P2RY1: variants seen among roughly 807,000 people sequenced by gnomAD.
P2RY1 encodes P2Y purinoceptor 1.
In P2RY1, 14 loss-of-function variants were observed where a neutral mutation model predicts 22.8. The observed-to-expected ratio is 0.61, with a 90% CI of 0.41 to 0.96. The LOEUF is 0.96. Ranked by LOEUF, P2RY1 falls within the 40% of genes least tolerant of loss-of-function variation. P2RY1 has a pLI of 0.00. For synonymous variants in P2RY1, 200 were observed against 195.1 expected (o/e 1.03, Z -0.21); for missense variants, 395 against 470.3 (o/e 0.84, Z 1.48).
Position 152,836,285 on chromosome 3 carries a change from CG to C in P2RY1, c.504del (p.Ile169SerfsTer64). ...CTGGGCCGGCTCAAAAAGAAGAATG[CG>C]ATCTGTATCAGCGTGCTGGTGTGGC... ...KSLGRLKKKN[A>X]ICISVLVWLI... On this transcript the variant is annotated frameshift_variant, in exon 1 of 1. Coordinates refer to ENST00000305097, the MANE Select transcript of P2RY1 (RefSeq NM_002563.5). LOFTEE classifies it high-confidence loss of function. The surrounding 1 kb of genome is among the most constrained non-coding windows in gnomAD (Gnocchi z 5.6). 6.2e-7 allele frequency: 1 copy of C among 1,614,098 alleles called. No individual in the cohort carries two copies.
chr3:152,837,273 G>A lies in P2RY1; in HGVS notation c.*369G>A, dbSNP rs979392282. 1.0e-5 allele frequency: 2 copies of A among 192,088 alleles called. No homozygotes were observed. The highest frequency in any genetic ancestry group is 5.8e-5 in the Admixed American group (1 of 17,260). The allele number at this position is 192,088 out of a possible 1,614,324, so 11.9% of individuals were successfully genotyped here. A position where few individuals can be genotyped will look rare whatever the true frequency, so the allele number is the denominator to read the frequency against. On this transcript the variant is annotated 3_prime_UTR_variant, in exon 1 of 1. Coordinates refer to ENST00000305097, the MANE Select transcript of P2RY1 (RefSeq NM_002563.5). ...AGAAAACTAGCCCCCTGCAACTTGA[G>A]TTTGTGGTTTATCTAGCCTTTATTG...
chr3:152,836,286 G>C lies in P2RY1; in HGVS notation c.504G>C (p.Ala168=), dbSNP rs779121419. 5.6e-6 allele frequency: 9 copies of C among 1,614,122 alleles called. No individual in the cohort carries two copies. Among genetic ancestry groups the C allele is most frequent in the South Asian group, 1.1e-5 (1 of 91,068 alleles). The change falls in exon 1 of 1, where the codon GCG becomes GCC. Residue 168 remains alanine (A), a synonymous_variant. Coordinates refer to ENST00000305097, the MANE Select transcript of P2RY1 (RefSeq NM_002563.5). The surrounding 1 kb of genome is among the most constrained non-coding windows in gnomAD (Gnocchi z 5.6). ...TGGGCCGGCTCAAAAAGAAGAATGC[G>C]ATCTGTATCAGCGTGCTGGTGTGGC... is the stretch of plus-strand genomic sequence containing the variant. The part of the protein sequence containing the change: ...KSLGRLKKKN[A]ICISVLVWLI...
chr3:152,836,324 T>C lies in P2RY1; in HGVS notation c.542T>C (p.Val181Ala). The C allele has an allele frequency of 6.2e-7, 1 of 1,614,088 alleles. No individual in the cohort carries two copies. Among genetic ancestry groups the C allele is most frequent in the Non-Finnish European group, 8.5e-7 (1 of 1,180,038 alleles). ...ISVLVWLIVV[V>A]AISPILFYSG... is the part of the protein sequence containing the mutation. The stretch of plus-strand genomic sequence containing the variant: ...GTGCTGGTGTGGCTCATTGTGGTGG[T>C]GGCGATCTCCCCCATCCTCTTCTAC... The change falls in exon 1 of 1, where the codon GTG becomes GCG. Residue 181 changes from valine (V) to alanine (A), a missense_variant. Val to Ala is a moderately conservative substitution (Grantham distance 64). Coordinates refer to ENST00000305097, the MANE Select transcript of P2RY1 (RefSeq NM_002563.5). The surrounding 1 kb of genome is among the most constrained non-coding windows in gnomAD (Gnocchi z 5.6).
Position 152,835,809 on chromosome 3 carries a change from C to T in P2RY1, c.27C>T (p.Val9=), listed in dbSNP as rs1170023914. 6.2e-7 allele frequency: 1 copy of T among 1,608,894 alleles called. No homozygotes were observed. The highest frequency in any genetic ancestry group is 8.5e-7 in the Non-Finnish European group (1 of 1,179,090). MTEVLWPA[V]PNGTDAAFLA... is the part of the protein sequence containing the mutation. The stretch of plus-strand genomic sequence containing the variant: ...TGACCGAGGTGCTGTGGCCGGCTGT[C>T]CCCAACGGGACGGACGCTGCCTTCC... Residue 9 remains valine, a synonymous_variant, in exon 1 of 1, where the codon GTC becomes GTT. Coordinates refer to ENST00000305097, the MANE Select transcript of P2RY1 (RefSeq NM_002563.5).
rs1275732928 is a variant in P2RY1, at chr3:152,835,227, G to C, written c.-556G>C. 6.5e-6 allele frequency: 1 copy of C among 152,978 alleles called. No homozygotes were observed. The highest frequency in any genetic ancestry group is 1.5e-5 in the Non-Finnish European group (1 of 68,676). The allele number at this position is 152,978 out of a possible 1,614,324, so 9.5% of individuals were successfully genotyped here. ...AGCGCACGAGTCTGCGGCCACGCGCGCTCCGATGGCTGCCAGGAGCTGAGC... is the reference window on the plus strand; with the variant it reads ...AGCGCACGAGTCTGCGGCCACGCGCCCTCCGATGGCTGCCAGGAGCTGAGC... On this transcript the variant is annotated 5_prime_UTR_variant, in exon 1 of 1. Coordinates refer to ENST00000305097, the MANE Select transcript of P2RY1 (RefSeq NM_002563.5).
rs1716245824 is a variant in P2RY1 at position 152,839,409 on chromosome 3, A to G, written c.*2505A>G. 6.6e-6 allele frequency: 1 copy of G among 152,180 alleles called. No homozygotes were observed. Among genetic ancestry groups the G allele is most frequent in the African/African-American group, 2.4e-5 (1 of 41,436 alleles). The allele number at this position is 152,180 out of a possible 1,614,324, so 9.4% of individuals were successfully genotyped here. A position where few individuals can be genotyped will look rare whatever the true frequency, so the allele number is the denominator to read the frequency against. On this transcript the variant is annotated 3_prime_UTR_variant, in exon 1 of 1. Coordinates refer to ENST00000305097, the MANE Select transcript of P2RY1 (RefSeq NM_002563.5). ...GTCATATGATGATTGAAGTATGTTT[A>G]TTGTAAGGGCAGAAATGTGTTGGCA...
chr3:152,836,096 C>T lies in P2RY1; in HGVS notation c.314C>T (p.Pro105Leu). The T allele has an allele frequency of 6.2e-7, 1 of 1,614,178 alleles. No individual in the cohort carries two copies. The highest frequency in any genetic ancestry group is 8.5e-7 in the Non-Finnish European group (1 of 1,180,034). ...LADFLYVLTL[P>L]ALIFYYFNKT... The stretch of plus-strand genomic sequence containing the variant: ...GACTTCTTGTACGTGCTGACTCTGC[C>T]AGCCCTGATCTTCTACTACTTCAAT... Residue 105 changes from proline to leucine, a missense_variant, in exon 1 of 1, where the codon CCA (proline) becomes CTA (leucine). By Grantham distance (98) the Pro-to-Leu change is moderately conservative (BLOSUM62 -3). This residue lies in a region of P2RY1 where 291 missense variants were observed against 361.6 expected (regional missense o/e 0.80). Coordinates refer to ENST00000305097, the MANE Select transcript of P2RY1 (RefSeq NM_002563.5). This position sits in a 1 kb window ranked among gnomAD's most constrained non-coding sequence, Gnocchi z 5.6.
At position 152,835,687 on chromosome 3, in the gene P2RY1, C is replaced by G. The variant is rs776269923; in HGVS notation, c.-96C>G. ...TCCAGTTCGCCTGCTCCCTTCCGCTCGCTGGCTTTTCCGATGCTTGCTGCG... is the reference window on the plus strand; with the variant it reads ...TCCAGTTCGCCTGCTCCCTTCCGCTGGCTGGCTTTTCCGATGCTTGCTGCG... On this transcript the variant is annotated 5_prime_UTR_variant, in exon 1 of 1. Transcript: ENST00000305097. The G allele has an allele frequency of 1.1e-4, 139 of 1,250,520 alleles. No individual in the cohort carries two copies. The highest frequency in any genetic ancestry group is 1.3e-4 in the Non-Finnish European group (123 of 923,396). The allele number at this position is 1,250,520 out of a possible 1,614,324, so 77.5% of individuals were successfully genotyped here.
Position 152,835,690 on chromosome 3 carries a change from T to G in P2RY1, c.-93T>G. 1 of 1,287,772 alleles carries G rather than the reference T, an allele frequency of 7.8e-7. No individual in the cohort carries two copies. The highest frequency in any genetic ancestry group is 1.0e-6 in the Non-Finnish European group (1 of 955,402). 79.8% of individuals were successfully genotyped at this position (1,287,772 alleles called of 1,614,324 possible). ...AGTTCGCCTGCTCCCTTCCGCTCGCTGGCTTTTCCGATGCTTGCTGCGCCC... is the reference window on the plus strand; with the variant it reads ...AGTTCGCCTGCTCCCTTCCGCTCGCGGGCTTTTCCGATGCTTGCTGCGCCC... On this transcript the variant is annotated 5_prime_UTR_variant, in exon 1 of 1. Coordinates refer to ENST00000305097, the MANE Select transcript of P2RY1 (RefSeq NM_002563.5).
Position 152,839,933 on chromosome 3 carries a change from T to C in P2RY1, c.*3029T>C, listed in dbSNP as rs1716259922. 6.6e-6 allele frequency: 1 copy of C among 152,226 alleles called. No individual in the cohort carries two copies. Among genetic ancestry groups the C allele is most frequent in the African/African-American group, 2.4e-5 (1 of 41,458 alleles). 9.4% of individuals were successfully genotyped at this position (152,226 alleles called of 1,614,324 possible). ...AAACTGTCTTTGGATACTATAGATGTCAGTGCTTATAGCAGCTGGAATTTG... is the reference window on the plus strand; with the variant it reads ...AAACTGTCTTTGGATACTATAGATGCCAGTGCTTATAGCAGCTGGAATTTG... On this transcript the variant is annotated 3_prime_UTR_variant, in exon 1 of 1. Transcript: ENST00000305097.
chr3:152,835,741 C>T lies in P2RY1; in HGVS notation c.-42C>T, dbSNP rs1716136113. On this transcript the variant is annotated 5_prime_UTR_variant, in exon 1 of 1. Coordinates refer to ENST00000305097, the MANE Select transcript of P2RY1 (RefSeq NM_002563.5). The stretch of plus-strand genomic sequence containing the variant: ...CTGGCCGCCGCTGCCCTCTCGCCGC[C>T]TCCTACCCCTCGGAGCCGCCGCCTA... The T allele has an allele frequency of 2.6e-6, 4 of 1,528,064 alleles. No individual in the cohort carries two copies. The highest frequency in any genetic ancestry group is 3.5e-6 in the Non-Finnish European group (4 of 1,144,908). 94.7% of individuals were successfully genotyped at this position (1,528,064 alleles called of 1,614,324 possible).
rs763681322 is a variant in P2RY1 at position 152,836,360 on chromosome 3, G to C, written c.578G>C (p.Gly193Ala). ...ISPILFYSGTGVRKNKTITCY... is the reference protein window; with the variant it reads ...ISPILFYSGTAVRKNKTITCY... ...CCCATCCTCTTCTACTCAGGTACCG[G>C]GGTCCGCAAAAACAAAACCATCACC... The change falls in exon 1 of 1, where the codon GGG becomes GCG. Residue 193 changes from glycine (G) to alanine (A), a missense_variant. Gly to Ala is a moderately conservative substitution (Grantham distance 60, BLOSUM62 0). Coordinates refer to ENST00000305097, the MANE Select transcript of P2RY1 (RefSeq NM_002563.5). The surrounding 1 kb of genome is among the most constrained non-coding windows in gnomAD (Gnocchi z 5.6). 6.2e-7 allele frequency: 1 copy of C among 1,614,066 alleles called. No individual in the cohort carries two copies. Among genetic ancestry groups the C allele is most frequent in the Non-Finnish European group, 8.5e-7 (1 of 1,180,012 alleles).
chr3:152,838,425 A>C lies in P2RY1; in HGVS notation c.*1521A>C, dbSNP rs950686779. The C allele has an allele frequency of 5.9e-5, 9 of 152,222 alleles. No individual in the cohort carries two copies. The highest frequency in any genetic ancestry group is 2.2e-4 in the African/African-American group (9 of 41,464). 9.4% of individuals were successfully genotyped at this position (152,222 alleles called of 1,614,324 possible). ...GCAATTGACAATCCCAAACAAATCCAGTGTCAAAGGAATTTTTAGTTTTGG... is the reference window on the plus strand; with the variant it reads ...GCAATTGACAATCCCAAACAAATCCCGTGTCAAAGGAATTTTTAGTTTTGG... On this transcript the variant is annotated 3_prime_UTR_variant, in exon 1 of 1. Transcript: ENST00000305097.
Position 152,838,766 on chromosome 3 carries a change from A to G in P2RY1, c.*1862A>G, listed in dbSNP as rs1240260650. On this transcript the variant is annotated 3_prime_UTR_variant, in exon 1 of 1. Transcript: ENST00000305097. ...TTTTACATGTTCAGTTTTAATGCAT[A>G]GGATTATAGAAACCAAATCAAGAAG... 1 of 152,190 alleles carries G rather than the reference A, an allele frequency of 6.6e-6. No individual in the cohort carries two copies. The highest frequency in any genetic ancestry group is 2.4e-5 in the African/African-American group (1 of 41,452). The allele number at this position is 152,190 out of a possible 1,614,324, so 9.4% of individuals were successfully genotyped here. A position where few individuals can be genotyped will look rare whatever the true frequency, so the allele number is the denominator to read the frequency against.
In P2RY1 at chr3:152,837,129, C is replaced by T; in HGVS notation, c.*225C>T. 1 of 519,922 alleles carries T rather than the reference C, an allele frequency of 1.9e-6. No individual in the cohort carries two copies. Among genetic ancestry groups the T allele is most frequent in the Non-Finnish European group, 3.5e-6 (1 of 288,222 alleles). 32.2% of individuals were successfully genotyped at this position (519,922 alleles called of 1,614,324 possible). On this transcript the variant is annotated 3_prime_UTR_variant, in exon 1 of 1. Transcript: ENST00000305097. ...CTGACTAGAAGTATGTATAATAAAA[C>T]AATACTACCTAGTTAAACATTTACT...
In P2RY1 at chr3:152,835,435, C is replaced by T. The variant is rs561477731; in HGVS notation, c.-348C>T. ...GACCTCGCTGCGCCTCTGGCGCGCT[C>T]TGCAGCGCGGACCCGCGGCCCCTCG... On this transcript the variant is annotated 5_prime_UTR_variant, in exon 1 of 1. Coordinates refer to ENST00000305097, the MANE Select transcript of P2RY1 (RefSeq NM_002563.5). The T allele has an allele frequency of 1.7e-4, 55 of 318,998 alleles. No individual in the cohort carries two copies. The highest frequency in any genetic ancestry group is 2.9e-4 in the Non-Finnish European group (51 of 173,776). 19.8% of individuals were successfully genotyped at this position (318,998 alleles called of 1,614,324 possible). A position where few individuals can be genotyped will look rare whatever the true frequency, so the allele number is the denominator to read the frequency against.
Position 152,835,875 on chromosome 3 carries a change from C to A in P2RY1, c.93C>A (p.Ala31=). 1 of 1,613,898 alleles carries A rather than the reference C, an allele frequency of 6.2e-7. No homozygotes were observed. The highest frequency in any genetic ancestry group is 8.5e-7 in the Non-Finnish European group (1 of 1,180,038). The change falls in exon 1 of 1, where the codon GCC becomes GCA. Residue 31 remains alanine, a synonymous_variant. Coordinates refer to ENST00000305097, the MANE Select transcript of P2RY1 (RefSeq NM_002563.5). ...CGTCCTGGGGGAACAGCACGGTCGCCTCCACTGCCGCCGTCTCCTCGTCGT... is the reference window on the plus strand; with the variant it reads ...CGTCCTGGGGGAACAGCACGGTCGCATCCACTGCCGCCGTCTCCTCGTCGT... ...PGSSWGNSTV[A]STAAVSSSFK... is the part of the protein sequence containing the mutation.
Position 152,839,849 on chromosome 3 carries a change from C to G in P2RY1, c.*2945C>G. On this transcript the variant is annotated 3_prime_UTR_variant, in exon 1 of 1. Coordinates refer to ENST00000305097, the MANE Select transcript of P2RY1 (RefSeq NM_002563.5). Reference sequence around the variant, plus strand: ...GGCTAAAAAAATCTTGGAAGTTTCACAGATTATGATGTGGACCTGTCACCT... The same window carrying G: ...GGCTAAAAAAATCTTGGAAGTTTCAGAGATTATGATGTGGACCTGTCACCT... 6.6e-6 allele frequency: 1 copy of G among 150,540 alleles called. No individual in the cohort carries two copies. Among genetic ancestry groups the G allele is most frequent in the South Asian group, 2.2e-4 (1 of 4,482 alleles). 9.3% of individuals were successfully genotyped at this position (150,540 alleles called of 1,614,324 possible).
rs1447515067 is a variant in P2RY1, at chr3:152,840,395, G to A, written c.*3491G>A. 6.6e-6 allele frequency: 1 copy of A among 152,008 alleles called. No homozygotes were observed. Among genetic ancestry groups the A allele is most frequent in the East Asian group, 1.9e-4 (1 of 5,192 alleles). The allele number at this position is 152,008 out of a possible 1,614,324, so 9.4% of individuals were successfully genotyped here. A position where few individuals can be genotyped will look rare whatever the true frequency, so the allele number is the denominator to read the frequency against. On this transcript the variant is annotated 3_prime_UTR_variant, in exon 1 of 1. Transcript: ENST00000305097. ...TTTGGTGTCAGACTATCATAAGATCGATAGTGAATATAAAATATCTTAGCC... is the reference window on the plus strand; with the variant it reads ...TTTGGTGTCAGACTATCATAAGATCAATAGTGAATATAAAATATCTTAGCC...
Sources: allele counts gnomAD v4.1 joint callset, GRCh38; gene constraint gnomAD v4.1.1; regional missense constraint gnomAD v4.1.1; non-coding constraint Gnocchi (gnomAD v3.1); transcripts MANE v1.5; gene names NCBI Gene and HGNC (gene_info 2026-07-23, HGNC 2026-07-21).